Variants in BTN3A1 observed in about 807,000 individuals in gnomAD.
BTN3A1 encodes dJ45P21.3 (butyrophilin, subfamily 3, member A1).
Under a neutral mutation model 43.0 loss-of-function variants are expected in BTN3A1, and 24 were observed. The ratio of observed to expected loss-of-function variants is 0.56; its 90% CI spans 0.40 to 0.78. The LOEUF (loss-of-function observed/expected upper bound fraction) is 0.78. Ranked by LOEUF, BTN3A1 falls within the 30% of genes least tolerant of loss-of-function variation. The pLI is 0.00. For synonymous variants in BTN3A1, 181 were observed against 234.7 expected, an observed-to-expected ratio of 0.77 and a Z score of 2.09; for missense variants, 533 against 626.2, an observed-to-expected ratio of 0.85 and a Z score of 1.59.
chr6:26,411,507 A>G, intron 8 of BTN3A1, 48 bp from the exon 9 acceptor site: 1 of 1,596,696 alleles, frequency 6.3e-7, no homozygotes, highest in Non-Finnish European at 8.6e-7. Flanking sequence ...AGTGGGGAAA[A>G]GTACAAGAAT....
In BTN3A1 at chr6:26,409,707, C is replaced by T. The variant is rs1028204515; in HGVS notation, c.890C>T (p.Thr297Ile). The stretch of plus-strand genomic sequence containing the variant: ...GAGTTGAGAGAAATGGCATGGAGCA[C>T]AATGAAGCAAGAACAAAGCACAAGA... Reference protein sequence around the residue: ...EQELREMAWSTMKQEQSTRVK... With the variant: ...EQELREMAWSIMKQEQSTRVK... The change falls in exon 5 of 10, where the codon ACA (threonine) becomes ATA (isoleucine). Residue 297 changes from threonine (T) to isoleucine (I), a missense_variant. Thr to Ile is a moderately conservative substitution (Grantham distance 89). Around this residue, in one of 4 missense-constraint regions of BTN3A1, gnomAD observed 415 missense variants for 427.0 expected, o/e 0.97. Transcript: ENST00000289361. 1.3e-6 allele frequency: 2 copies of T among 1,577,880 alleles called. No homozygotes were observed. Among genetic ancestry groups the T allele is most frequent in the Non-Finnish European group, 1.7e-6 (2 of 1,165,830 alleles).
intron 3 of BTN3A1, among the ~76,000 whole-genome samples, chr6:26,407,040 A>C (rs375754872): frequency 6.6e-6 from 1 of 152,132 alleles, no homozygotes; most frequent in Non-Finnish European, 1.5e-5. Flanking sequence ...GACAATGTTC[A>C]TGTTTTTCTC....
At chr6:26,405,691 C>T in intron 2 of BTN3A1, 43 bp downstream of exon 2, 1 of 1,607,730 alleles carries the variant, frequency 6.2e-7, no homozygotes, top group Non-Finnish European at 8.5e-7. Flanking sequence ...AGACAATTAC[C>T]TAATTATGTC....
At chr6:26,409,511 C>T (rs1217638199) in intron 4 of BTN3A1, 22 bp from the exon 5 acceptor site, 1 of 1,611,690 alleles carries the variant, frequency 6.2e-7, no homozygotes, top group Non-Finnish European at 8.5e-7. Context: ...GCCCCCATGA[C>T]CCACAGCCGT....
At position 26,413,452 on chromosome 6, in the gene BTN3A1, G is replaced by C; in HGVS notation, c.1302G>C (p.Gly434=). The C allele has an allele frequency of 6.2e-7, 1 of 1,614,148 alleles. No individual in the cohort carries two copies. The highest frequency in any genetic ancestry group is 8.5e-7 in the Non-Finnish European group (1 of 1,180,026). ...CTGAGAATGGATTCTGGACTATGGG[G>C]CTGACTGATGGGAATAAGTATCGGA... The part of the protein sequence containing the change: ...MTPENGFWTM[G]LTDGNKYRTL... Residue 434 remains glycine, a synonymous_variant, in exon 10 of 10, where the codon GGG becomes GGC. Transcript: ENST00000289361.
At chr6:26,402,841 A>G (rs143079852) in intron 1 of BTN3A1, among the ~76,000 whole-genome samples, 100 of 152,342 alleles carry the variant, frequency 6.6e-4, no homozygotes, top group African/African-American at 2.2e-3. Context: ...GGGATAGACA[A>G]ACAATGCATG....
At position 26,407,659 on chromosome 6, in the gene BTN3A1, A is replaced by G. The variant is rs180776414; in HGVS notation, c.434-12A>G. 138 of 1,612,072 alleles carry G rather than the reference A, an allele frequency of 8.6e-5. No individual in the cohort carries two copies. The East Asian group carries it at 2.9e-3, about 34-fold the overall frequency. ...GCCTCTCAAGAATTTAGGCTAATTCATCCTTCCACAGCACTGGGTTCTGAT... is the reference window on the plus strand; with the variant it reads ...GCCTCTCAAGAATTTAGGCTAATTCGTCCTTCCACAGCACTGGGTTCTGAT... On this transcript the variant is annotated splice_polypyrimidine_tract_variant and intron_variant, in intron 3 of 9. Transcript: ENST00000289361.
Position 26,405,890 on chromosome 6 carries a change from C to T in BTN3A1, c.86-19C>T, listed in dbSNP as rs1449989267. The T allele has an allele frequency of 1.1e-5, 17 of 1,613,440 alleles. No homozygotes were observed. Among genetic ancestry groups the T allele is most frequent in the South Asian group, 5.5e-5 (5 of 91,062 alleles). ...CAACTCCAAAACCCTCTGACAGATC[C>T]TCCCCCTTGTGCCTACAGCTCAGTT... is the stretch of plus-strand genomic sequence containing the variant. On this transcript the variant is annotated intron_variant, in intron 2 of 9. Transcript: ENST00000289361.
chr6:26,403,778 C>G (rs778529948), intron 1 of BTN3A1, among the ~76,000 whole-genome samples: 4 of 152,116 alleles, frequency 2.6e-5, no homozygotes, highest in South Asian at 2.1e-4. Context: ...CCCATCTCAA[C>G]TTCCCAAATT....
Position 26,407,674 on chromosome 6 carries a change from TG to T in BTN3A1, c.440del (p.Gly147ValfsTer8). The T allele has an allele frequency of 6.2e-7, 1 of 1,614,036 alleles. No homozygotes were observed. Among genetic ancestry groups the T allele is most frequent in the Non-Finnish European group, 8.5e-7 (1 of 1,179,922 alleles). On this transcript the variant is annotated frameshift_variant, in exon 4 of 10. Transcript: ENST00000289361. LOFTEE classifies it high-confidence loss of function. ...AGGCTAATTCATCCTTCCACAGCAC[TG>T]GGTTCTGATCTTCACGTTGATGTGA... The part of the protein sequence containing the change: ...KALVELKVAA[L>X]GSDLHVDVKG...
chr6:26,411,686 A>G (rs1300009622), intron 9 of BTN3A1, 105 bp downstream of exon 9: 11 of 1,400,066 alleles, frequency 7.9e-6, no homozygotes, highest in East Asian at 2.3e-5. Flanking sequence ...AAAAGCTCCC[A>G]TGACTAGGAG....
At chr6:26,403,020 C>T (rs996192045) in intron 1 of BTN3A1, among the ~76,000 whole-genome samples, 3 of 152,182 alleles carry the variant, frequency 2.0e-5, no homozygotes, top group Non-Finnish European at 4.4e-5. Context: ...CCAAACCTAA[C>T]GAATGCTATC....
At chr6:26,408,759 G>A (rs1330498633) in intron 4 of BTN3A1, among the ~76,000 whole-genome samples, 2 of 152,142 alleles carry the variant, frequency 1.3e-5, no homozygotes, top group Non-Finnish European at 2.9e-5. Context: ...TTCATGCAAT[G>A]GATACCACTC....
chr6:26,409,967 T>G, intron 6 of BTN3A1, 39 bp from the exon 7 acceptor site: 1 of 1,614,228 alleles, frequency 6.2e-7, no homozygotes. Context: ...CCCTGCTTTA[T>G]GCGCCTTGAT....
intron 9 of BTN3A1, chr6:26,412,918 T>A: frequency 2.7e-6 from 4 of 1,476,762 alleles, no homozygotes; most frequent in Non-Finnish European, 3.6e-6. Flanking sequence ...TGAGGCCGCG[T>A]CAGGGTATTG....
intron 6 of BTN3A1, 32 bp downstream of exon 6, chr6:26,409,946 T>A (rs772410679): frequency 6.2e-7 from 1 of 1,614,252 alleles, no homozygotes; most frequent in Non-Finnish European, 8.5e-7. Context: ...GACCCAGGCA[T>A]GTCTTCCTGT....
chr6:26,413,677 T>C lies in BTN3A1; in HGVS notation c.1527T>C (p.Thr509=), dbSNP rs142919616. 3.1e-3 allele frequency: 5,002 copies of C among 1,613,326 alleles called. 10 individuals carry two copies. The highest frequency in any genetic ancestry group is 5.8e-3 in the Admixed American group (348 of 59,914). ...TGACCTTGGAGCCCACGGCCCTGAC[T>C]ATTTGTCCAGCGTGAAAAGAAGAAG... ...RILTLEPTAL[T]ICPA is the part of the protein sequence containing the mutation. The change falls in exon 10 of 10, where the codon ACT becomes ACC. Residue 509 remains threonine, a synonymous_variant. Coordinates refer to ENST00000289361, the MANE Select transcript of BTN3A1 (RefSeq NM_007048.6).
At chr6:26,404,851 T>C (rs1024338981) in intron 1 of BTN3A1, among the ~76,000 whole-genome samples, 1 of 152,254 alleles carries the variant, frequency 6.6e-6, no homozygotes, top group Non-Finnish European at 1.5e-5. Context: ...ACCAAAGAGC[T>C]TGTGAATCTT....
chr6:26,412,834 T>A (rs190751116), intron 9 of BTN3A1: 3 of 1,545,334 alleles, frequency 1.9e-6, no homozygotes, highest in African/African-American at 1.4e-5. Context: ...AACCTCTGAG[T>A]ATAAAGCATT....
Sources: gnomAD v4.1 joint callset for allele counts (sites outside exome capture counted in the v4.1 genomes callset) on GRCh38, gnomAD v4.1.1 for gene constraint, gnomAD v4.1.1 regional missense constraint, MANE v1.5 for transcripts, NCBI Gene and HGNC (gene_info 2026-07-23, HGNC 2026-07-21) for gene names.